The following KCNQ3 variants were observed in gnomAD, a reference collection of about 807,000 sequenced individuals.
KCNQ3 encodes the protein potassium voltage-gated channel subfamily KQT member 3.
In KCNQ3, 30 loss-of-function variants were observed where a neutral mutation model predicts 92.5. The ratio of observed to expected loss-of-function variants is 0.32; its 90% CI spans 0.24 to 0.44. The LOEUF (loss-of-function observed/expected upper bound fraction) is 0.44. KCNQ3 is among the 20% of genes least tolerant of loss of function. The pLI, the probability that KCNQ3 is intolerant of heterozygous loss-of-function variation, is 1.00. For missense variants in KCNQ3, 913 were observed against 1,140.3 expected, an observed-to-expected ratio of 0.80 and a Z score of 2.87; for synonymous variants, 450 against 468.8, an observed-to-expected ratio of 0.96 and a Z score of 0.52.
intron 1 of KCNQ3, among the ~76,000 whole-genome samples, chr8:132,199,459 A>G (rs1056882018): frequency 3.3e-5 from 5 of 152,144 alleles, no homozygotes; most frequent in African/African-American, 1.2e-4. Flanking sequence ...CTAATATGAT[A>G]TTTTTGTCTT....
chr8:132,168,169 C>G (rs995645961), intron 8 of KCNQ3, among the ~76,000 whole-genome samples: 5 of 152,172 alleles, frequency 3.3e-5, no homozygotes, highest in African/African-American at 9.7e-5. Context: ...CTTCTACTCC[C>G]CCTTCGAACT....
intron 1 of KCNQ3, among the ~76,000 whole-genome samples, chr8:132,337,304 T>A (rs1031778990): frequency 6.6e-6 from 1 of 151,948 alleles, no homozygotes; most frequent in African/African-American, 2.4e-5. Flanking sequence ...GCATGAGCAA[T>A]AAAGTGAGAG....
At chr8:132,404,750 C>T (rs1820433461) in intron 1 of KCNQ3, among the ~76,000 whole-genome samples, 1 of 152,304 alleles carries the variant, frequency 6.6e-6, no homozygotes, top group Admixed American at 6.5e-5. Flanking sequence ...TGCAGTTCTA[C>T]CAGCAGACAC....
chr8:132,123,555 A>G lies in KCNQ3; in HGVS notation c.*5707T>C, dbSNP rs1824563683. On this transcript the variant is annotated 3_prime_UTR_variant, in exon 15 of 15. Coordinates refer to ENST00000388996, the MANE Select transcript of KCNQ3 (RefSeq NM_004519.4). ...AGTTCTTTTTCATGTTCTGGGCTCA[A>G]TCGTGATGCTTTGATTTCACTTGGT... 6.6e-6 allele frequency: 1 copy of G among 152,224 alleles called. No individual in the cohort carries two copies. The highest frequency in any genetic ancestry group is 2.1e-4 in the South Asian group (1 of 4,826). 9.4% of individuals were successfully genotyped at this position (152,224 alleles called of 1,614,324 possible). A position where few individuals can be genotyped will look rare whatever the true frequency, so the allele number is the denominator to read the frequency against.
intron 1 of KCNQ3, among the ~76,000 whole-genome samples, chr8:132,214,603 G>T (rs922035660): frequency 2.6e-5 from 4 of 151,368 alleles, no homozygotes; most frequent in African/African-American, 9.7e-5. Context: ...GGTAGCACTT[G>T]CAAAGCACAG....
At position 132,468,293 on chromosome 8, in the gene KCNQ3, C is replaced by T. The variant is rs1168641759; in HGVS notation, c.386+11854G>A. 3.9e-5 allele frequency among the ~76,000 whole-genome samples: 6 copies of T among 152,134 alleles called. No homozygotes were observed. The East Asian group carries it at 5.8e-4, about 15-fold the overall frequency. ...AGATGAATAGTCCAATTGGGCTAAG[C>T]GATTTTCCATTAGGACACATGGCCT... On this transcript the variant is annotated intron_variant, in intron 1 of 14. Transcript: ENST00000388996.
At chr8:132,238,803 C>G (rs980169934) in intron 1 of KCNQ3, among the ~76,000 whole-genome samples, 2 of 152,144 alleles carry the variant, frequency 1.3e-5, no homozygotes, top group African/African-American at 4.8e-5. Context: ...GGTTAGGGGT[C>G]CATCCCCAGC....
chr8:132,446,936 T>C (rs564363228), intron 1 of KCNQ3, among the ~76,000 whole-genome samples: 3 of 152,246 alleles, frequency 2.0e-5, no homozygotes, highest in East Asian at 1.9e-4. Context: ...ACAGCATGTA[T>C]GTGTGTATGT....
At chr8:132,293,889 A>G (rs933280470) in intron 1 of KCNQ3, among the ~76,000 whole-genome samples, 3 of 152,182 alleles carry the variant, frequency 2.0e-5, no homozygotes, top group Non-Finnish European at 2.9e-5. Context: ...GAAAAGGACT[A>G]GAACTCTCCT....
chr8:132,438,563 G>T (rs546580257), intron 1 of KCNQ3, among the ~76,000 whole-genome samples: 2 of 152,252 alleles, frequency 1.3e-5, no homozygotes, highest in African/African-American at 4.8e-5. Context: ...CCCCTGCAAC[G>T]TGTGGGTGCG....
At chr8:132,396,301 ACT>A (rs201230067) in intron 1 of KCNQ3, among the ~76,000 whole-genome samples, 2,487 of 152,084 alleles carry the variant, frequency 0.016, 26 homozygotes, top group Non-Finnish European at 0.025. Flanking sequence ...GTACACTGAC[ACT>A]CTGCAACTTA....
At chr8:132,147,773 GAT>G (rs1283672720) in intron 9 of KCNQ3, among the ~76,000 whole-genome samples, 1 of 152,204 alleles carries the variant, frequency 6.6e-6, no homozygotes, top group Non-Finnish European at 1.5e-5. Context: ...GCGCCATTTT[GAT>G]ATGAGTGCTC....
intron 1 of KCNQ3, among the ~76,000 whole-genome samples, chr8:132,225,725 A>T (rs993150906): frequency 2.0e-5 from 3 of 152,218 alleles, no homozygotes; most frequent in Admixed American, 2.0e-4. Flanking sequence ...ACTTCGCTTT[A>T]AGAGAAGTTA....
At chr8:132,325,419 T>C (rs1410993798) in intron 1 of KCNQ3, among the ~76,000 whole-genome samples, 1 of 152,150 alleles carries the variant, frequency 6.6e-6, no homozygotes, top group Non-Finnish European at 1.5e-5. Context: ...CTGAACTTTG[T>C]CTCTCTAAAA....
At chr8:132,450,135 TGGGTTGCCACTGCTGGCTG>T (rs1172512411) in intron 1 of KCNQ3, among the ~76,000 whole-genome samples, 5 of 151,974 alleles carry the variant, frequency 3.3e-5, no homozygotes, top group South Asian at 2.1e-4. Flanking sequence ...GGGACCCGAG[TGGGTTGCCACTGCTGGCTG>T]GGGTGGCCAC....
chr8:132,466,562 C>T (rs933007276), intron 1 of KCNQ3, among the ~76,000 whole-genome samples: 2 of 152,128 alleles, frequency 1.3e-5, no homozygotes, highest in African/African-American at 2.4e-5. Context: ...GAAGACTAAG[C>T]CTCAGTTGCC....
At chr8:132,260,923 T>A (rs1236754914) in intron 1 of KCNQ3, among the ~76,000 whole-genome samples, 1 of 152,184 alleles carries the variant, frequency 6.6e-6, no homozygotes, top group East Asian at 1.9e-4. Context: ...TCTTACTCAT[T>A]CTTTTATTAT....
chr8:132,376,459 G>A (rs980722153), intron 1 of KCNQ3, among the ~76,000 whole-genome samples: 1 of 152,188 alleles, frequency 6.6e-6, no homozygotes, highest in African/African-American at 2.4e-5. Context: ...CAGAGCAGTG[G>A]TTTCATTAAT....
intron 9 of KCNQ3, among the ~76,000 whole-genome samples, chr8:132,154,339 C>T (rs2130031584): frequency 6.6e-6 from 1 of 151,330 alleles, no homozygotes; most frequent in South Asian, 2.1e-4. Context: ...TTTCTAATAA[C>T]TCAGTTTGTC....
Sources: allele counts gnomAD v4.1 joint callset (sites outside exome capture counted in the v4.1 genomes callset), GRCh38; gene constraint gnomAD v4.1.1; transcripts MANE v1.5; gene names NCBI Gene and HGNC (gene_info 2026-07-23, HGNC 2026-07-21).